The following PACS1 variants were observed in gnomAD, a reference collection of about 807,000 sequenced individuals.
The protein encoded by PACS1 is phosphofurin acidic cluster sorting protein 1.
A neutral mutation model predicts 115.0 loss-of-function variants in PACS1; 24 were observed. That is an observed-to-expected ratio of 0.21 (90% CI 0.15 to 0.29). The LOEUF is 0.29. Ranked by LOEUF, PACS1 falls within the 10% of genes least tolerant of loss-of-function variation. The pLI is 1.00. For missense variants in PACS1, 838 were observed against 1,251.2 expected, an observed-to-expected ratio of 0.67 and a Z score of 4.98; for synonymous variants, 453 against 504.5, an observed-to-expected ratio of 0.90 and a Z score of 1.37.
chr11:66,156,240 A>G (rs1418299965), intron 1 of PACS1, among the ~76,000 whole-genome samples: 2 of 24,010 alleles, frequency 8.3e-5, no homozygotes, highest in South Asian at 1.5e-3. Context: ...ATATATATAT[A>G]TATATATATA....
At chr11:66,139,440 C>A (rs777990595) in intron 1 of PACS1, among the ~76,000 whole-genome samples, 1 of 149,576 alleles carries the variant, frequency 6.7e-6, no homozygotes, top group Non-Finnish European at 1.5e-5. Flanking sequence ...TGCTTTGTAA[C>A]TTTTTTTTTT....
At chr11:66,199,542 C>T (rs987882845) in intron 2 of PACS1, among the ~76,000 whole-genome samples, 2 of 151,836 alleles carry the variant, frequency 1.3e-5, no homozygotes, top group East Asian at 3.9e-4. Flanking sequence ...AACATACCAT[C>T]AGAGAAAATG....
At chr11:66,155,871 T>C (rs772163999) in intron 1 of PACS1, among the ~76,000 whole-genome samples, 19 of 152,020 alleles carry the variant, frequency 1.2e-4, no homozygotes, top group Non-Finnish European at 2.5e-4. Context: ...CCCAGTCCAA[T>C]GAGAGCTCTG....
At chr11:66,154,582 T>C (rs888956901) in intron 1 of PACS1, among the ~76,000 whole-genome samples, 1 of 152,030 alleles carries the variant, frequency 6.6e-6, no homozygotes, top group Non-Finnish European at 1.5e-5. Context: ...AACAGATAAC[T>C]GGAAAAAAAA....
At chr11:66,090,112 T>C (rs1353381085) in intron 1 of PACS1, among the ~76,000 whole-genome samples, 3 of 151,308 alleles carry the variant, frequency 2.0e-5, no homozygotes, top group Admixed American at 1.3e-4. Context: ...ACCTCCTAAA[T>C]AGTTTGGATC....
chr11:66,146,980 C>T (rs1310239192), intron 1 of PACS1, among the ~76,000 whole-genome samples: 1 of 152,214 alleles, frequency 6.6e-6, no homozygotes, highest in Non-Finnish European at 1.5e-5. Context: ...TCGCTTGAAC[C>T]TGGAAAGTGG....
intron 2 of PACS1, among the ~76,000 whole-genome samples, chr11:66,202,780 T>A (rs2134688185): frequency 8.9e-6 from 1 of 112,874 alleles, no homozygotes; most frequent in Non-Finnish European, 1.8e-5. Context: ...TATATATATA[T>A]ATTCTGAAAA....
At chr11:66,223,441 A>C (rs1327493755) in intron 10 of PACS1, among the ~76,000 whole-genome samples, 2 of 150,994 alleles carry the variant, frequency 1.3e-5, no homozygotes, top group African/African-American at 4.9e-5. Context: ...CCCAGGCTGG[A>C]GTGCAGTGTG....
intron 11 of PACS1, among the ~76,000 whole-genome samples, chr11:66,228,226 A>G (rs1855506145): frequency 6.6e-6 from 1 of 152,000 alleles, no homozygotes; most frequent in African/African-American, 2.4e-5. Context: ...GGTTACGTCA[A>G]AGTTCATCCC....
chr11:66,074,996 G>C (rs1205899201), intron 1 of PACS1, among the ~76,000 whole-genome samples: 1 of 125,366 alleles, frequency 8.0e-6, no homozygotes, highest in East Asian at 2.4e-4. Context: ...AGGCTGGAGT[G>C]CAGTGGTGCA....
chr11:66,167,721 C>T (rs1893712), intron 1 of PACS1, among the ~76,000 whole-genome samples: 1 of 150,046 alleles, frequency 6.7e-6, no homozygotes, highest in African/African-American at 2.5e-5. Context: ...AGGTGTGGAT[C>T]CAACTTTCCT....
chr11:66,076,338 CAG>C (rs980949256), intron 1 of PACS1, among the ~76,000 whole-genome samples: 49 of 152,146 alleles, frequency 3.2e-4, no homozygotes, highest in African/African-American at 1.1e-3. Flanking sequence ...GGGTACGCCT[CAG>C]AAAATGTTAG....
At chr11:66,158,575 C>A (rs1859414112) in intron 1 of PACS1, among the ~76,000 whole-genome samples, 1 of 152,152 alleles carries the variant, frequency 6.6e-6, no homozygotes, top group South Asian at 2.1e-4. Context: ...GTGGGGCACA[C>A]CCCTAGTTCT....
intron 1 of PACS1, among the ~76,000 whole-genome samples, chr11:66,128,236 G>A (rs904549553): frequency 6.6e-6 from 1 of 152,090 alleles, no homozygotes; most frequent in Non-Finnish European, 1.5e-5. Context: ...GTATTAAGAA[G>A]TTTATTTTAT....
intron 1 of PACS1, among the ~76,000 whole-genome samples, chr11:66,133,157 TCTGTC>T (rs1334025176): frequency 6.6e-6 from 1 of 152,232 alleles, no homozygotes; most frequent in African/African-American, 2.4e-5. Flanking sequence ...ATTTCTGGAA[TCTGTC>T]CTGGGCACTT....
At chr11:66,093,322 A>G (rs1307534745) in intron 1 of PACS1, among the ~76,000 whole-genome samples, 6 of 151,770 alleles carry the variant, frequency 4.0e-5, no homozygotes, top group South Asian at 4.2e-4. Context: ...AGAGACACAC[A>G]TAGGCTCAAA....
intron 2 of PACS1, among the ~76,000 whole-genome samples, chr11:66,205,470 T>A (rs1854913661): frequency 6.6e-6 from 1 of 151,892 alleles, no homozygotes; most frequent in African/African-American, 2.4e-5. Context: ...CAATATAACC[T>A]GATGTGATTA....
intron 1 of PACS1, among the ~76,000 whole-genome samples, chr11:66,129,206 C>G (rs988078176): frequency 3.3e-5 from 5 of 150,628 alleles, no homozygotes; most frequent in African/African-American, 1.2e-4. Context: ...CCGAGGTGGA[C>G]AGATCACCTG....
chr11:66,099,407 G>A (rs901735430), intron 1 of PACS1, among the ~76,000 whole-genome samples: 2 of 150,892 alleles, frequency 1.3e-5, no homozygotes, highest in African/African-American at 4.9e-5. Flanking sequence ...TGTATTTTTA[G>A]TAGAGATGGG....
Sources: allele counts gnomAD v4.1 joint callset (sites outside exome capture counted in the v4.1 genomes callset), GRCh38; gene constraint gnomAD v4.1.1; transcripts MANE v1.5; gene names NCBI Gene and HGNC (gene_info 2026-07-23, HGNC 2026-07-21).